The following TF variants were observed in gnomAD, a reference collection of about 807,000 sequenced individuals.
TF encodes transferrin, also known as serotransferrin.
In TF, 55 loss-of-function variants were observed where a neutral mutation model predicts 82.4. The ratio of observed to expected loss-of-function variants is 0.67; its 90% CI spans 0.54 to 0.84. TF has a LOEUF of 0.84. Ranked by LOEUF, TF falls within the 40% of genes least tolerant of loss-of-function variation. TF has a pLI of 0.00. For synonymous variants in TF, 332 were observed against 332.6 expected, an observed-to-expected ratio of 1.00 and a Z score of 0.02; for missense variants, 737 against 868.4, an observed-to-expected ratio of 0.85 and a Z score of 1.90.
chr3:133,726,414 A>G, the TF span, among the ~76,000 whole-genome samples: 1 of 151,956 alleles, frequency 6.6e-6, no homozygotes, highest in Admixed American at 6.6e-5. Context: ...GAATTTATCC[A>G]TTTCTTCTAG....
the TF span, among the ~76,000 whole-genome samples, chr3:133,723,477 G>C: frequency 7.5e-6 from 1 of 133,586 alleles, no homozygotes; most frequent in Non-Finnish European, 1.6e-5. Context: ...TTTTATTCTT[G>C]TTTTTTTTTT....
chr3:133,776,240 G>A (rs1004468960), intron 15 of TF, among the ~76,000 whole-genome samples: 1 of 152,200 alleles, frequency 6.6e-6, no homozygotes, highest in African/African-American at 2.4e-5. Flanking sequence ...TAGGCAGACT[G>A]AGCACTGTTC....
intron 14 of TF, chr3:133,773,432 G>A (rs1436878855): frequency 6.6e-6 from 1 of 152,032 alleles, no homozygotes; most frequent in Non-Finnish European, 1.5e-5. Context: ...AAAGTGCTGG[G>A]ATTACAGGTG....
upstream of TF, among the ~76,000 whole-genome samples, chr3:133,743,972 A>G (rs1933442398): frequency 6.6e-6 from 1 of 152,232 alleles, no homozygotes; most frequent in Admixed American, 6.5e-5. Context: ...CTTGAGCAAA[A>G]GCCAAGGCCC....
chr3:133,727,263 T>C, the TF span, among the ~76,000 whole-genome samples: 1 of 152,008 alleles, frequency 6.6e-6, no homozygotes, highest in South Asian at 2.1e-4. Flanking sequence ...GGTGTTAAAG[T>C]CTCCCATTAT....
the TF span, among the ~76,000 whole-genome samples, chr3:133,733,477 C>T: frequency 1.3e-5 from 2 of 152,342 alleles, no homozygotes; most frequent in Non-Finnish European, 2.9e-5. Flanking sequence ...TTCCTTTACA[C>T]ATGAGAGTTC....
At chr3:133,748,770 C>T in intron 2 of TF, 186 bp downstream of exon 2, 1 of 733,782 alleles carries the variant, frequency 1.4e-6, no homozygotes, top group Non-Finnish European at 2.3e-6. Flanking sequence ...AAGCAAAAGT[C>T]AAAAAGCACA....
upstream of TF, chr3:133,746,319 C>G (rs1438422826): frequency 6.0e-6 from 7 of 1,166,738 alleles, no homozygotes; most frequent in East Asian, 1.8e-4. Flanking sequence ...TGCACAAACA[C>G]GGGAGGTCAA....
At chr3:133,742,910 G>C (rs1047863176), upstream of TF, among the ~76,000 whole-genome samples, 10 of 152,332 alleles carry the variant, frequency 6.6e-5, no homozygotes, top group Middle Eastern at 3.4e-3. Flanking sequence ...TGAAATTTGA[G>C]AGTTTTGCCC....
chr3:133,722,707 A>G, the TF span, among the ~76,000 whole-genome samples: 3 of 152,086 alleles, frequency 2.0e-5, no homozygotes, highest in Admixed American at 2.0e-4. Flanking sequence ...TGTTGCCCTA[A>G]TTTACTTCTT....
At chr3:133,675,413 C>A in the TF span, among the ~76,000 whole-genome samples, 36 of 152,144 alleles carry the variant, frequency 2.4e-4, no homozygotes, top group South Asian at 6.4e-3. Flanking sequence ...CAGGCTTGTC[C>A]AAGTCAAATA....
chr3:133,713,601 A>C, the TF span, among the ~76,000 whole-genome samples: 1 of 152,152 alleles, frequency 6.6e-6, no homozygotes, highest in Non-Finnish European at 1.5e-5. Flanking sequence ...CCTGGGTGTG[A>C]TTTTTAGTAT....
At chr3:133,770,441 C>A in intron 13 of TF, 67 bp from the exon 14 acceptor site, 2 of 1,436,952 alleles carry the variant, frequency 1.4e-6, no homozygotes, top group Non-Finnish European at 2.0e-6. Flanking sequence ...ATAAGGTAGC[C>A]CCCTGAATGA....
the TF span, among the ~76,000 whole-genome samples, chr3:133,695,525 C>T: frequency 3.3e-5 from 5 of 152,114 alleles, no homozygotes; most frequent in Non-Finnish European, 5.9e-5. Context: ...GGATTACAGG[C>T]GTGAGCCACC....
the TF span, chr3:133,692,937 G>C: frequency 6.5e-6 from 1 of 153,044 alleles, no homozygotes; most frequent in Non-Finnish European, 1.5e-5. Context: ...TGAAACCGAT[G>C]AGCCAGCTGG....
At chr3:133,746,316 A>C (rs1158523097), upstream of TF, 1 of 1,152,894 alleles carries the variant, frequency 8.7e-7, no homozygotes, top group Non-Finnish European at 1.3e-6. Flanking sequence ...GGCTGCACAA[A>C]CACGGGAGGT....
the TF span, among the ~76,000 whole-genome samples, chr3:133,694,553 C>A: frequency 6.6e-6 from 1 of 152,170 alleles, no homozygotes. Context: ...CCTGGCCTCC[C>A]CAGAGCTTGG....
chr3:133,685,169 ACT>A, the TF span, among the ~76,000 whole-genome samples: 2 of 152,218 alleles, frequency 1.3e-5, no homozygotes, highest in Admixed American at 1.3e-4. Context: ...CATGCTAAAA[ACT>A]CTCAATAAAT....
At chr3:133,666,446 C>G in the TF span, among the ~76,000 whole-genome samples, 1 of 152,162 alleles carries the variant, frequency 6.6e-6, no homozygotes, top group Non-Finnish European at 1.5e-5. Context: ...GCTGGGATTA[C>G]AGGTATGAGC....
Sources: gnomAD v4.1 joint callset for allele counts (sites outside exome capture counted in the v4.1 genomes callset) on GRCh38, gnomAD v4.1.1 for gene constraint, MANE v1.5 for transcripts, NCBI Gene and HGNC (gene_info 2026-07-23, HGNC 2026-07-21) for gene names.